The following SLC9A7 variants were observed in gnomAD, a reference collection of about 807,000 sequenced individuals.
SLC9A7 encodes the protein sodium/hydrogen exchanger 7.
Under a neutral mutation model 52.6 loss-of-function variants are expected in SLC9A7, and 19 were observed. The ratio of observed to expected loss-of-function variants is 0.36; its 90% CI spans 0.25 to 0.53. The LOEUF is 0.53. Ranked by LOEUF, SLC9A7 falls within the 20% of genes least tolerant of loss-of-function variation. The pLI is 0.91. For missense variants in SLC9A7, 455 were observed against 597.9 expected (o/e 0.76, Z 2.49); for synonymous variants, 226 against 252.1 (o/e 0.90, Z 0.98).
At chrX:46,713,315 C>T (rs1386845072) in intron 1 of SLC9A7, among the ~76,000 whole-genome samples, 1 of 109,020 alleles carries the variant, frequency 9.2e-6, no homozygotes, top group East Asian at 2.9e-4. Flanking sequence ...GCCTGGCCAA[C>T]ATGGTGAAAC....
intron 1 of SLC9A7, among the ~76,000 whole-genome samples, chrX:46,692,572 A>T (rs1385617161): frequency 8.9e-6 from 1 of 111,797 alleles, no homozygotes; most frequent in Non-Finnish European, 1.9e-5. Context: ...GTTCAACAGC[A>T]GACAGGTCTT....
intron 1 of SLC9A7, among the ~76,000 whole-genome samples, chrX:46,698,096 G>A (rs1242050820): frequency 8.9e-6 from 1 of 111,845 alleles, no homozygotes; most frequent in Non-Finnish European, 1.9e-5. Flanking sequence ...AATGACTAAG[G>A]TGCCCAAAAC....
At chrX:46,701,617 C>T (rs1245098718) in intron 1 of SLC9A7, among the ~76,000 whole-genome samples, 1 of 109,917 alleles carries the variant, frequency 9.1e-6, no homozygotes, top group African/African-American at 3.3e-5. Context: ...AAAAAGAAAC[C>T]CTTATTATGA....
intron 11 of SLC9A7, among the ~76,000 whole-genome samples, chrX:46,644,199 T>C (rs1324013491): frequency 8.9e-6 from 1 of 112,362 alleles, no homozygotes; most frequent in African/African-American, 3.2e-5. Flanking sequence ...GTGGCCAGAT[T>C]TGGCCCAGGG....
chrX:46,666,068 TATC>T (rs1396806254), intron 5 of SLC9A7, among the ~76,000 whole-genome samples: 1 of 111,668 alleles, frequency 9.0e-6, no homozygotes, highest in African/African-American at 3.3e-5. Context: ...TATTCCTTCA[TATC>T]AGTCAATACC....
rs1056637930 is a variant in SLC9A7, at chrX:46,627,780, G to A, written c.1740+3806C>T. ...GAAGCACAAAAAAATGGGCGGGTTG[G>A]GGGGGGGGCGGTGGTCACAGAGTAG... On this transcript the variant is annotated intron_variant, in intron 14 of 16. Transcript: ENST00000616978. 3.6e-4 allele frequency among the ~76,000 whole-genome samples: 9 copies of A among 25,206 alleles called. No individual in the cohort carries two copies. In the South Asian group the frequency reaches 0.013, roughly 37 times the overall value. The allele number at this position is 25,206 out of a possible 115,157, so 21.9% of individuals were successfully genotyped here.
At chrX:46,625,279 A>G (rs920673235) in intron 14 of SLC9A7, among the ~76,000 whole-genome samples, 9 of 106,677 alleles carry the variant, frequency 8.4e-5, no homozygotes, top group Admixed American at 2.0e-4. Context: ...AGCATGTGGT[A>G]GGCAGAATAA....
At chrX:46,626,656 G>C (rs1355726671) in intron 14 of SLC9A7, among the ~76,000 whole-genome samples, 2 of 112,431 alleles carry the variant, frequency 1.8e-5, no homozygotes, top group African/African-American at 6.5e-5. Flanking sequence ...GTGGGGCCTG[G>C]TAAGAGGTGG....
At chrX:46,651,433 A>G in intron 8 of SLC9A7, 29 bp from the exon 9 acceptor site, 3 of 1,126,951 alleles carry the variant, frequency 2.7e-6, no homozygotes, top group Non-Finnish European at 3.6e-6. Flanking sequence ...AAAAAAAATC[A>G]ATGGAAAAAA....
chrX:46,736,874 T>C (rs929958001), intron 1 of SLC9A7, among the ~76,000 whole-genome samples: 1 of 111,368 alleles, frequency 9.0e-6, no homozygotes, highest in African/African-American at 3.3e-5. Context: ...GTTAGCTTTA[T>C]AGTAAGGAGG....
At chrX:46,648,876 T>A in intron 10 of SLC9A7, 79 bp from the exon 11 acceptor site, 2 of 726,813 alleles carry the variant, frequency 2.8e-6, no homozygotes, top group Non-Finnish European at 2.1e-6. Context: ...AGCAGAGAAT[T>A]TTAGGAATGC....
intron 1 of SLC9A7, among the ~76,000 whole-genome samples, chrX:46,695,459 C>T (rs1471393623): frequency 8.9e-6 from 1 of 112,265 alleles, no homozygotes; most frequent in South Asian, 3.7e-4. Flanking sequence ...GGGGAATATA[C>T]AATGACTCTC....
rs1346084730 is a variant in SLC9A7, at chrX:46,656,873, G to A, written c.1042-3159C>T. On this transcript the variant is annotated intron_variant, in intron 7 of 16. Coordinates refer to ENST00000616978, the MANE Select transcript of SLC9A7 (RefSeq NM_001257291.2). ...TTCAGATTCAGGAAATACAGAGAAC[G>A]CCACAAAGATACTCCTCGAGAAGAG... Among the ~76,000 whole-genome samples the A allele has an allele frequency of 2.1e-4, 22 of 103,988 alleles. No individual in the cohort carries two copies. In the South Asian group the frequency reaches 6.9e-3, roughly 33 times the overall value. The allele number at this position is 103,988 out of a possible 115,157, so 90.3% of individuals were successfully genotyped here.
At chrX:46,754,516 GTTCAAATGTTAATT>G (rs1319483590) in intron 1 of SLC9A7, among the ~76,000 whole-genome samples, 5 of 111,350 alleles carry the variant, frequency 4.5e-5, no homozygotes, top group Admixed American at 3.8e-4. Context: ...TTGCTTACAG[GTTCAAATGTTAATT>G]TCATGTTACC....
intron 12 of SLC9A7, among the ~76,000 whole-genome samples, chrX:46,642,380 G>A (rs1377608575): frequency 1.8e-5 from 2 of 112,426 alleles, no homozygotes; most frequent in Non-Finnish European, 3.8e-5. Flanking sequence ...TCCAGAACAC[G>A]GTCACCCTCT....
intron 16 of SLC9A7, among the ~76,000 whole-genome samples, chrX:46,611,211 T>C (rs760463276): frequency 2.7e-5 from 3 of 112,272 alleles, no homozygotes; most frequent in Non-Finnish European, 5.6e-5. Context: ...TTAAGTAAGC[T>C]AGTAGCAGGA....
chrX:46,606,929 C>T lies in SLC9A7; in HGVS notation c.*23G>A, dbSNP rs781773044. The T allele has an allele frequency of 6.6e-6, 8 of 1,208,350 alleles. No homozygotes were observed. Among genetic ancestry groups the T allele is most frequent in the East Asian group, 3.0e-5 (1 of 33,724 alleles). ...TCACCCCATCGGGAGCCTACCCCAT[C>T]GCGCCAGGGCTTGGGGGGAAAGTCA... On this transcript the variant is annotated 3_prime_UTR_variant, in exon 17 of 17. Coordinates refer to ENST00000616978, the MANE Select transcript of SLC9A7 (RefSeq NM_001257291.2).
chrX:46,686,740 T>C, intron 1 of SLC9A7, among the ~76,000 whole-genome samples: 1 of 111,919 alleles, frequency 8.9e-6, no homozygotes, highest in East Asian at 2.8e-4. Context: ...TACTGTGTGT[T>C]TGGGCCAGGG....
intron 12 of SLC9A7, among the ~76,000 whole-genome samples, chrX:46,642,235 G>A (rs1360019827): frequency 8.8e-6 from 1 of 113,040 alleles, no homozygotes; most frequent in Admixed American, 9.3e-5. Flanking sequence ...TGTACGCTCT[G>A]CAGCTGTGTC....
Sources: gnomAD v4.1 joint callset for allele counts (sites outside exome capture counted in the v4.1 genomes callset) on GRCh38, gnomAD v4.1.1 for gene constraint, MANE v1.5 for transcripts, NCBI Gene and HGNC (gene_info 2026-07-23, HGNC 2026-07-21) for gene names.